BLNK: variants seen among roughly 807,000 people sequenced by gnomAD.
The protein encoded by BLNK is B cell linker.
BLNK carries 29 observed loss-of-function variants against 73.5 expected under a neutral mutation model. The ratio of observed to expected loss-of-function variants is 0.39; its 90% CI spans 0.29 to 0.54. The LOEUF is 0.54. Among genes scored for constraint, BLNK ranks in the 20% least tolerant of loss-of-function variants. The pLI is 0.61. For synonymous variants in BLNK, 176 were observed against 200.8 expected (o/e 0.88, Z 1.04); for missense variants, 460 against 562.8 (o/e 0.82, Z 1.85).
chr10:96,254,000 G>A (rs12784477), intron 1 of BLNK, among the ~76,000 whole-genome samples: 1 of 148,928 alleles, frequency 6.7e-6, no homozygotes, highest in African/African-American at 2.5e-5. Context: ...CAGCCTGGGC[G>A]ACAGAGCAAG....
Position 96,189,475 on chromosome 10 carries a change from T to C in BLNK, c.*2498A>G. ...TCCACTTTGGGAAGAGAACCACCTT[T>C]TTCTATACTTGCTTGCATTTTTGAT... On this transcript the variant is annotated 3_prime_UTR_variant, in exon 17 of 17. Coordinates refer to ENST00000224337, the MANE Select transcript of BLNK (RefSeq NM_013314.4). The C allele has an allele frequency of 1.6e-6, 1 of 630,706 alleles. No individual in the cohort carries two copies. The highest frequency in any genetic ancestry group is 3.0e-6 in the Non-Finnish European group (1 of 336,744). The allele number at this position is 630,706 out of a possible 1,614,324, so 39.1% of individuals were successfully genotyped here. A position where few individuals can be genotyped will look rare whatever the true frequency, so the allele number is the denominator to read the frequency against.
chr10:96,254,668 G>A lies in BLNK; in HGVS notation c.48-7619C>T, dbSNP rs1013947205. Among the ~76,000 whole-genome samples, 7 of 152,010 alleles carry A rather than the reference G, an allele frequency of 4.6e-5. No homozygotes were observed. In the South Asian group the frequency reaches 6.3e-4, roughly 14 times the overall value. ...TGGGATTACAGGCGCCTGCCACCAC[G>A]CCTGGCTAACTTTTGTATTTTTAGT... On this transcript the variant is annotated intron_variant, in intron 1 of 16. Transcript: ENST00000224337.
At chr10:96,199,651 A>G (rs1554895582) in intron 15 of BLNK, 2 of 392,688 alleles carry the variant, frequency 5.1e-6, no homozygotes, top group East Asian at 7.3e-5. Context: ...ACTTGTTGCA[A>G]TTATTTAATT....
intron 1 of BLNK, among the ~76,000 whole-genome samples, chr10:96,255,779 G>A (rs79826654): frequency 0.021 from 3,132 of 152,238 alleles, 89 homozygotes; most frequent in African/African-American, 0.069. Flanking sequence ...TGCAGCAGCT[G>A]GCAGCAGGGC....
intron 8 of BLNK, among the ~76,000 whole-genome samples, chr10:96,210,863 GTTTT>G (rs377260098): frequency 1.6e-5 from 2 of 121,946 alleles, no homozygotes; most frequent in Non-Finnish European, 3.4e-5. Context: ...CCACAATTCC[GTTTT>G]TTTTTTTTTT....
Position 96,209,581 on chromosome 10 carries a change from C to T in BLNK, c.746+257G>A, listed in dbSNP as rs587623696. The stretch of plus-strand genomic sequence containing the variant: ...CTAATTTTTGTATTTTTAGTAGAGA[C>T]GGGGTTTCGCCATGTTGGCCAGGCT... On this transcript the variant is annotated intron_variant, in intron 9 of 16. Transcript: ENST00000224337. 1.4e-4 allele frequency among the ~76,000 whole-genome samples: 21 copies of T among 152,072 alleles called. 1 individual carries two copies. Among genetic ancestry groups the T allele is most frequent in the Admixed American group, 2.6e-4 (4 of 15,288 alleles).
chr10:96,204,647 A>G, intron 11 of BLNK, 31 bp from the exon 12 acceptor site: 1 of 1,606,692 alleles, frequency 6.2e-7, no homozygotes, highest in African/African-American at 1.3e-5. Context: ...TATTAGGATT[A>G]GAGTGAAATG....
At chr10:96,269,953 C>A (rs1280318746) in intron 1 of BLNK, among the ~76,000 whole-genome samples, 1 of 152,180 alleles carries the variant, frequency 6.6e-6, no homozygotes, top group African/African-American at 2.4e-5. Context: ...CCTCTCAAAG[C>A]CTACCTCTTA....
chr10:96,260,384 A>T (rs1384394634), intron 1 of BLNK, among the ~76,000 whole-genome samples: 1 of 152,218 alleles, frequency 6.6e-6, no homozygotes, highest in Non-Finnish European at 1.5e-5. Flanking sequence ...ACGTCTCTTA[A>T]ATCGAACCAG....
At chr10:96,225,416 G>T (rs1842210752) in intron 5 of BLNK, among the ~76,000 whole-genome samples, 2 of 152,104 alleles carry the variant, frequency 1.3e-5, no homozygotes, top group Admixed American at 6.5e-5. Flanking sequence ...ACTCCTTGTT[G>T]AAGGTATGTG....
intron 6 of BLNK, among the ~76,000 whole-genome samples, chr10:96,217,219 G>C (rs1407453321): frequency 6.6e-6 from 1 of 152,164 alleles, no homozygotes; most frequent in Non-Finnish European, 1.5e-5. Context: ...TTCATCAGCT[G>C]ATGGACATTT....
At chr10:96,234,649 C>T (rs1842632509) in intron 3 of BLNK, among the ~76,000 whole-genome samples, 1 of 152,192 alleles carries the variant, frequency 6.6e-6, no homozygotes, top group African/African-American at 2.4e-5. Flanking sequence ...ACATCTGAAG[C>T]TCTTAGCAAA....
chr10:96,248,394 G>T (rs1488490704), intron 1 of BLNK, among the ~76,000 whole-genome samples: 1 of 152,168 alleles, frequency 6.6e-6, no homozygotes, highest in African/African-American at 2.4e-5. Context: ...CCAATGAAAA[G>T]ATATTGAACA....
chr10:96,226,853 CAAAA>C (rs781905426), intron 5 of BLNK, among the ~76,000 whole-genome samples: 1 of 141,728 alleles, frequency 7.1e-6, no homozygotes, highest in African/African-American at 2.6e-5. Flanking sequence ...CAAAACAAAA[CAAAA>C]AAAAAAACAG....
At chr10:96,244,929 T>C (rs1350028934) in intron 2 of BLNK, among the ~76,000 whole-genome samples, 2 of 152,168 alleles carry the variant, frequency 1.3e-5, no homozygotes, top group Non-Finnish European at 2.9e-5. Context: ...AAACATTTTA[T>C]GCAGAGGCTT....
chr10:96,246,881 G>T, intron 2 of BLNK, 103 bp downstream of exon 2: 1 of 830,674 alleles, frequency 1.2e-6, no homozygotes, highest in Non-Finnish European at 1.9e-6. Flanking sequence ...GTGCTAAAGA[G>T]GTAGAAACTT....
At chr10:96,270,588 T>A (rs1440539686) in intron 1 of BLNK, among the ~76,000 whole-genome samples, 1 of 150,578 alleles carries the variant, frequency 6.6e-6, no homozygotes, top group Non-Finnish European at 1.5e-5. Flanking sequence ...CTTCTGCACA[T>A]GTACCCCAGA....
intron 3 of BLNK, among the ~76,000 whole-genome samples, chr10:96,235,027 C>T (rs782103113): frequency 3.3e-5 from 5 of 152,230 alleles, no homozygotes; most frequent in Admixed American, 6.5e-5. Flanking sequence ...AATAGAGGGA[C>T]TCCTCCCTTT....
At chr10:96,252,108 A>G (rs990747814) in intron 1 of BLNK, among the ~76,000 whole-genome samples, 4 of 152,046 alleles carry the variant, frequency 2.6e-5, no homozygotes, top group African/African-American at 7.2e-5. Flanking sequence ...CTGGGGTGCA[A>G]TGGCGTGATC....
Sources: gnomAD v4.1 joint callset for allele counts (sites outside exome capture counted in the v4.1 genomes callset) on GRCh38, gnomAD v4.1.1 for gene constraint, MANE v1.5 for transcripts, NCBI Gene and HGNC (gene_info 2026-07-23, HGNC 2026-07-21) for gene names.